The following KIFAP3 variants were observed in gnomAD, a reference collection of about 807,000 sequenced individuals.
The protein encoded by KIFAP3 is kinesin-associated protein 3.
In KIFAP3, 68 loss-of-function variants were observed where a neutral mutation model predicts 106.5. The ratio of observed to expected loss-of-function variants is 0.64; its 90% CI spans 0.53 to 0.78. KIFAP3 has a LOEUF of 0.78. Ranked by LOEUF, KIFAP3 falls within the 30% of genes least tolerant of loss-of-function variation. KIFAP3 has a pLI of 0.00. For missense variants in KIFAP3, 780 were observed against 941.8 expected (o/e 0.83, Z 2.25); for synonymous variants, 320 against 311.5 (o/e 1.03, Z -0.29).
intron 4 of KIFAP3, 91 bp downstream of exon 4, chr1:170,039,140 CAT>C (rs74942897): frequency 0.11 from 68,993 of 616,254 alleles, 4,306 homozygotes; most frequent in Admixed American, 0.21. Flanking sequence ...AAAAATACCA[CAT>C]GTGCTTAATG....
At chr1:170,048,665 C>T (rs946309525) in intron 2 of KIFAP3, among the ~76,000 whole-genome samples, 5 of 151,402 alleles carry the variant, frequency 3.3e-5, no homozygotes, top group Non-Finnish European at 5.9e-5. Flanking sequence ...ACTGGTTAGG[C>T]AGTGGGTACA....
chr1:170,034,416 C>CT lies in KIFAP3; in HGVS notation c.697dup (p.Arg233LysfsTer3). Reference sequence around the variant, plus strand: ...GAGTTCTTCTTGCCAAAGCTCATGTCTTTTTAACTCATGATCAATAATATT... The same window carrying CT: ...GAGTTCTTCTTGCCAAAGCTCATGTCTTTTTTAACTCATGATCAATAATATT... On this transcript the variant is annotated frameshift_variant, in exon 7 of 20. Transcript: ENST00000361580. LOFTEE classifies it high-confidence loss of function. The CT allele has an allele frequency of 6.2e-7, 1 of 1,605,238 alleles. No homozygotes were observed. Among genetic ancestry groups the CT allele is most frequent in the Non-Finnish European group, 8.5e-7 (1 of 1,175,270 alleles).
intron 7 of KIFAP3, among the ~76,000 whole-genome samples, chr1:170,033,714 G>T (rs1348252099): frequency 6.6e-6 from 1 of 151,676 alleles, no homozygotes; most frequent in East Asian, 1.9e-4. Flanking sequence ...CTAAGCAAAA[G>T]ACTATTATAA....
intron 11 of KIFAP3, among the ~76,000 whole-genome samples, chr1:169,988,872 C>T (rs1571614261): frequency 6.6e-6 from 1 of 151,978 alleles, no homozygotes; most frequent in Non-Finnish European, 1.5e-5. Context: ...CTCAAAATAC[C>T]AGCTCATATA....
intron 2 of KIFAP3, among the ~76,000 whole-genome samples, chr1:170,052,701 T>C (rs1176892710): frequency 2.0e-5 from 3 of 152,204 alleles, no homozygotes; most frequent in Non-Finnish European, 2.9e-5. Context: ...TGCAAATCAA[T>C]TAATGTAATC....
At chr1:169,998,395 TATATACAC>T (rs754651054) in intron 10 of KIFAP3, among the ~76,000 whole-genome samples, 1,013 of 81,242 alleles carry the variant, frequency 0.012, 10 homozygotes, top group East Asian at 0.044. Context: ...TATATATATA[TATATACAC>T]ACACACACAC....
intron 1 of KIFAP3, among the ~76,000 whole-genome samples, chr1:170,083,219 G>A (rs1672047805): frequency 1.3e-5 from 2 of 152,050 alleles, no homozygotes; most frequent in East Asian, 1.9e-4. Flanking sequence ...ATCCCAAGCA[G>A]GATAAATAAA....
chr1:170,050,739 A>G (rs1670532929), intron 2 of KIFAP3, among the ~76,000 whole-genome samples: 1 of 152,200 alleles, frequency 6.6e-6, no homozygotes, highest in African/African-American at 2.4e-5. Context: ...TATCCAGCCA[A>G]ACTAAGCTTC....
chr1:169,947,590 ACTTAT>A (rs1664506625), intron 19 of KIFAP3, among the ~76,000 whole-genome samples: 1 of 151,880 alleles, frequency 6.6e-6, no homozygotes, highest in African/African-American at 2.4e-5. Context: ...TTCATAATAG[ACTTAT>A]CTTAAAATAT....
intron 10 of KIFAP3, among the ~76,000 whole-genome samples, chr1:170,011,744 C>T (rs1668252321): frequency 6.6e-6 from 1 of 151,862 alleles, no homozygotes; most frequent in Admixed American, 6.6e-5. Flanking sequence ...ACACAGTTTC[C>T]TTACTATATC....
intron 19 of KIFAP3, among the ~76,000 whole-genome samples, chr1:169,948,742 C>T (rs1441233965): frequency 1.3e-5 from 2 of 151,906 alleles, no homozygotes; most frequent in African/African-American, 4.8e-5. Flanking sequence ...ACTTTCCTCT[C>T]AATATAAAAG....
chr1:170,074,046 G>C (rs147738804), intron 1 of KIFAP3, among the ~76,000 whole-genome samples: 79 of 152,110 alleles, frequency 5.2e-4, no homozygotes, highest in Middle Eastern at 6.8e-3. Context: ...TGAGGCCTGA[G>C]GGCGGATGCA....
At chr1:169,957,306 C>G (rs931369587) in intron 18 of KIFAP3, among the ~76,000 whole-genome samples, 1 of 152,088 alleles carries the variant, frequency 6.6e-6, no homozygotes, top group Non-Finnish European at 1.5e-5. Flanking sequence ...ACACTCTAAG[C>G]TATAGAGTAT....
chr1:169,998,987 T>C (rs1172917413), intron 10 of KIFAP3, among the ~76,000 whole-genome samples: 1 of 152,150 alleles, frequency 6.6e-6, no homozygotes, highest in African/African-American at 2.4e-5. Flanking sequence ...ATAACCTGAA[T>C]TCATCTATTC....
chr1:170,026,925 A>C (rs539041561), intron 8 of KIFAP3, among the ~76,000 whole-genome samples: 1 of 152,152 alleles, frequency 6.6e-6, no homozygotes. Flanking sequence ...GTTTCCAAGT[A>C]ATTTAACTAT....
intron 4 of KIFAP3, 128 bp downstream of exon 4, chr1:170,039,105 G>A (rs1463434161): frequency 6.3e-6 from 3 of 479,654 alleles, no homozygotes; most frequent in East Asian, 3.2e-5. Flanking sequence ...ACCTTTTCAG[G>A]TACCTCTGAG....
At chr1:170,065,696 A>T (rs1347123421) in intron 1 of KIFAP3, among the ~76,000 whole-genome samples, 1 of 151,946 alleles carries the variant, frequency 6.6e-6, no homozygotes, top group East Asian at 1.9e-4. Flanking sequence ...GCTGTCTGAT[A>T]CAATAGTCAC....
In KIFAP3 at chr1:169,921,493, A is replaced by G; in HGVS notation, c.*183T>C. 1 of 500,436 alleles carries G rather than the reference A, an allele frequency of 2.0e-6. No individual in the cohort carries two copies. Among genetic ancestry groups the G allele is most frequent in the Non-Finnish European group, 3.6e-6 (1 of 278,632 alleles). 31.0% of individuals were successfully genotyped at this position (500,436 alleles called of 1,614,324 possible). Reference sequence around the variant, plus strand: ...GGTTTGATGAGTGAACAATGTCAGTATCAACTGTACTTAACAGAAGACAGA... The same window carrying G: ...GGTTTGATGAGTGAACAATGTCAGTGTCAACTGTACTTAACAGAAGACAGA... On this transcript the variant is annotated 3_prime_UTR_variant, in exon 20 of 20. Coordinates refer to ENST00000361580, the MANE Select transcript of KIFAP3 (RefSeq NM_014970.4).
intron 1 of KIFAP3, chr1:170,068,470 G>C (rs538688647): frequency 2.6e-4 from 40 of 152,036 alleles, no homozygotes; most frequent in African/African-American, 8.9e-4. Context: ...TCTGAGCAGA[G>C]AGAGAAAAGA....
Sources: allele counts gnomAD v4.1 joint callset (sites outside exome capture counted in the v4.1 genomes callset), GRCh38; gene constraint gnomAD v4.1.1; transcripts MANE v1.5; gene names NCBI Gene and HGNC (gene_info 2026-07-23, HGNC 2026-07-21).